The following NCKAP1 variants were observed in gnomAD, a reference collection of about 807,000 sequenced individuals.
The protein encoded by NCKAP1 is NCK associated protein 1, also known as nck-associated protein 1.
Under a neutral mutation model 151.2 loss-of-function variants are expected in NCKAP1, and 21 were observed. The observed-to-expected ratio is 0.14, with a 90% CI of 0.10 to 0.20. NCKAP1 has a LOEUF of 0.20. NCKAP1 is among the 10% of genes least tolerant of loss of function. The pLI, the probability that NCKAP1 is intolerant of heterozygous loss-of-function variation, is 1.00. For synonymous variants in NCKAP1, 484 were observed against 451.8 expected (o/e 1.07, Z -0.90); for missense variants, 933 against 1,352.1 (o/e 0.69, Z 4.86).
chr2:182,975,848 T>G (rs2105847528), intron 15 of NCKAP1, among the ~76,000 whole-genome samples: 1 of 152,204 alleles, frequency 6.6e-6, no homozygotes, highest in East Asian at 1.9e-4. Flanking sequence ...GAGGTTACAG[T>G]GAGCTATAAC....
chr2:182,927,128 T>C, intron 29 of NCKAP1: 1 of 399,426 alleles, frequency 2.5e-6, no homozygotes, highest in Non-Finnish European at 4.4e-6. Context: ...AATCAAATAT[T>C]CTTATTGGTC....
In NCKAP1 at chr2:182,919,061, G is replaced by A. The variant is rs1272641736; in HGVS notation, c.*6641C>T. 1 of 152,178 alleles carries A rather than the reference G, an allele frequency of 6.6e-6. No individual in the cohort carries two copies. The highest frequency in any genetic ancestry group is 1.5e-5 in the Non-Finnish European group (1 of 68,034). The allele number at this position is 152,178 out of a possible 1,614,324, so 9.4% of individuals were successfully genotyped here. On this transcript the variant is annotated 3_prime_UTR_variant, in exon 31 of 31. Transcript: ENST00000361354. ...GGTCATCATGATATAGGATTACTGT[G>A]AAGACTAAAAGAGCAATATTTAGAG...
chr2:183,033,026 A>G (rs373029384), intron 1 of NCKAP1, among the ~76,000 whole-genome samples: 3 of 152,190 alleles, frequency 2.0e-5, no homozygotes, highest in Admixed American at 6.5e-5. Flanking sequence ...TCCAGCTTGT[A>G]TGACAGAGCT....
intron 2 of NCKAP1, among the ~76,000 whole-genome samples, chr2:183,019,328 G>A (rs1286897258): frequency 6.6e-6 from 1 of 151,964 alleles, no homozygotes. Context: ...CCTTTTAGGT[G>A]TAATGCAATA....
At chr2:182,983,009 T>C in intron 11 of NCKAP1, 82 bp from the exon 12 acceptor site, 1 of 1,011,398 alleles carries the variant, frequency 9.9e-7, no homozygotes, top group Non-Finnish European at 1.4e-6. Context: ...GAAAAGTCAT[T>C]GGCAAGAAGT....
At position 182,921,547 on chromosome 2, in the gene NCKAP1, G is replaced by C. The variant is rs1276614205; in HGVS notation, c.*4155C>G. 6.6e-6 allele frequency: 1 copy of C among 152,212 alleles called. No individual in the cohort carries two copies. The highest frequency in any genetic ancestry group is 1.5e-5 in the Non-Finnish European group (1 of 68,068). The allele number at this position is 152,212 out of a possible 1,614,324, so 9.4% of individuals were successfully genotyped here. A position where few individuals can be genotyped will look rare whatever the true frequency, so the allele number is the denominator to read the frequency against. On this transcript the variant is annotated 3_prime_UTR_variant, in exon 31 of 31. Coordinates refer to ENST00000361354, the MANE Select transcript of NCKAP1 (RefSeq NM_013436.5). ...TGACCAAGATGCACCTGCACCAAGA[G>C]CACCAAGAGGATTGTCTCAATCCTT...
Position 182,976,953 on chromosome 2 carries a change from T to C in NCKAP1, c.1424-2A>G. ...AATCAAATACTTCCCCATCTTCAAC[T>C]GTAGTAATAGAAAAAAAAAAAAGAT... On this transcript the variant is annotated splice_acceptor_variant, in intron 14 of 30. Transcript: ENST00000361354. LOFTEE classifies it high-confidence loss of function. The C allele has an allele frequency of 6.6e-7, 1 of 1,512,604 alleles. No individual in the cohort carries two copies. The highest frequency in any genetic ancestry group is 8.9e-7 in the Non-Finnish European group (1 of 1,122,112). 93.7% of individuals were successfully genotyped at this position (1,512,604 alleles called of 1,614,324 possible). A position where few individuals can be genotyped will look rare whatever the true frequency, so the allele number is the denominator to read the frequency against.
intron 1 of NCKAP1, among the ~76,000 whole-genome samples, chr2:183,036,606 A>C (rs545309625): frequency 6.6e-6 from 1 of 152,234 alleles, no homozygotes; most frequent in African/African-American, 2.4e-5. Context: ...TGCCACATAA[A>C]AGGTAACAAA....
chr2:183,032,057 A>AT (rs777385168), intron 1 of NCKAP1, among the ~76,000 whole-genome samples: 34 of 152,096 alleles, frequency 2.2e-4, no homozygotes, highest in Non-Finnish European at 4.0e-4. Flanking sequence ...AATTTCAGGG[A>AT]TTTTTTTCTG....
chr2:183,025,016 A>G, intron 1 of NCKAP1: 1 of 1,609,710 alleles, frequency 6.2e-7, no homozygotes, highest in Non-Finnish European at 8.5e-7. Flanking sequence ...ATTGTAATAA[A>G]AAGAGAGAAA....
At chr2:182,956,702 G>A (rs1697335512) in intron 19 of NCKAP1, 109 bp from the exon 20 acceptor site, 11 of 1,149,118 alleles carry the variant, frequency 9.6e-6, no homozygotes, top group African/African-American at 3.2e-5. Context: ...TAGAGAATTC[G>A]ACTTTTTATT....
intron 18 of NCKAP1, among the ~76,000 whole-genome samples, chr2:182,961,474 C>G (rs1283002876): frequency 2.0e-5 from 3 of 152,018 alleles, no homozygotes; most frequent in African/African-American, 7.3e-5. Context: ...CAAACTATCG[C>G]AAGGACAAAA....
intron 11 of NCKAP1, 89 bp downstream of exon 11, chr2:182,983,197 T>C: frequency 9.3e-7 from 1 of 1,070,254 alleles, no homozygotes; most frequent in Non-Finnish European, 1.4e-6. Flanking sequence ...ATGTAGTCCC[T>C]GACTCAAATT....
intron 8 of NCKAP1, 24 bp from the exon 9 acceptor site, chr2:182,989,210 A>C (rs1330815860): frequency 6.4e-7 from 1 of 1,559,592 alleles, no homozygotes; most frequent in Non-Finnish European, 8.7e-7. Context: ...GAAAGCAAAT[A>C]CAAATGTAAA....
chr2:182,960,028 C>T lies in NCKAP1; in HGVS notation c.1881+2131G>A, dbSNP rs573000843. ...GCCTAGGAATCCAACTTACAAGGGA[C>T]GTGAAGGACCTCTTCAAGGAGAACT... On this transcript the variant is annotated intron_variant, in intron 18 of 30. Transcript: ENST00000361354. Among the ~76,000 whole-genome samples, 19 of 152,146 alleles carry T rather than the reference C, an allele frequency of 1.2e-4. No individual in the cohort carries two copies. The South Asian group carries it at 1.9e-3, about 15-fold the overall frequency.
intron 2 of NCKAP1, among the ~76,000 whole-genome samples, chr2:183,016,862 A>G (rs1047918696): frequency 2.0e-5 from 3 of 152,210 alleles, no homozygotes; most frequent in Non-Finnish European, 2.9e-5. Context: ...TTGGATTAAC[A>G]TGGCATTTGT....
At chr2:183,019,809 A>T (rs1698761712) in intron 2 of NCKAP1, among the ~76,000 whole-genome samples, 1 of 152,220 alleles carries the variant, frequency 6.6e-6, no homozygotes, top group South Asian at 2.1e-4. Flanking sequence ...TCATGACCCA[A>T]GGAAAAAACC....
At chr2:183,030,115 G>A (rs1054371886) in intron 1 of NCKAP1, among the ~76,000 whole-genome samples, 2 of 152,062 alleles carry the variant, frequency 1.3e-5, no homozygotes, top group African/African-American at 4.8e-5. Flanking sequence ...TTAAAAACAT[G>A]CTCCACTTAT....
At chr2:182,975,065 C>A (rs1697777766) in intron 15 of NCKAP1, among the ~76,000 whole-genome samples, 1 of 152,038 alleles carries the variant, frequency 6.6e-6, no homozygotes, top group East Asian at 1.9e-4. Flanking sequence ...TCCTATAAAC[C>A]CAGAACAGGA....
Sources: allele counts gnomAD v4.1 joint callset (sites outside exome capture counted in the v4.1 genomes callset), GRCh38; gene constraint gnomAD v4.1.1; transcripts MANE v1.5; gene names NCBI Gene and HGNC (gene_info 2026-07-23, HGNC 2026-07-21).